SGCZ: variants seen among roughly 807,000 people sequenced by gnomAD.
SGCZ encodes sarcoglycan zeta, also known as zeta-sarcoglycan.
Under a neutral mutation model 41.3 loss-of-function variants are expected in SGCZ, and 40 were observed. The observed-to-expected ratio is 0.97, with a 90% CI of 0.75 to 1.26. The LOEUF is 1.26. SGCZ is among the 50% of genes most tolerant of loss of function. The pLI is 0.00. For synonymous variants in SGCZ, 206 were observed against 137.5 expected (o/e 1.50, Z -3.49); for missense variants, 552 against 369.8 (o/e 1.49, Z -4.04).
At chr8:14,444,261 T>C (rs1800362179) in intron 2 of SGCZ, among the ~76,000 whole-genome samples, 1 of 152,284 alleles carries the variant, frequency 6.6e-6, no homozygotes, top group African/African-American at 2.4e-5. Flanking sequence ...TGGCGATTCC[T>C]CAGGGATCTA....
chr8:14,744,362 A>T (rs926629881), intron 1 of SGCZ, among the ~76,000 whole-genome samples: 1 of 152,120 alleles, frequency 6.6e-6, no homozygotes, highest in Non-Finnish European at 1.5e-5. Context: ...GCCAGAACAC[A>T]TTCCAAAGCT....
At chr8:14,337,208 C>T (rs927126333) in intron 2 of SGCZ, among the ~76,000 whole-genome samples, 1 of 152,112 alleles carries the variant, frequency 6.6e-6, no homozygotes, top group South Asian at 2.1e-4. Flanking sequence ...AAAAAGTCTG[C>T]AATTGTCCCC....
intron 2 of SGCZ, among the ~76,000 whole-genome samples, chr8:14,471,715 A>C (rs963862121): frequency 8.5e-5 from 13 of 152,134 alleles, no homozygotes; most frequent in African/African-American, 3.1e-4. Context: ...TCAATAAATA[A>C]AAATAATAAT....
chr8:15,045,897 T>C (rs1438349819), intron 1 of SGCZ, among the ~76,000 whole-genome samples: 1 of 152,122 alleles, frequency 6.6e-6, no homozygotes. Context: ...CCACCACTCT[T>C]TAATGAGATA....
chr8:14,105,492 T>C (rs1018053093), intron 6 of SGCZ, among the ~76,000 whole-genome samples: 1 of 151,700 alleles, frequency 6.6e-6, no homozygotes, highest in Non-Finnish European at 1.5e-5. Context: ...CAAACAGTAC[T>C]TACCTCTCTG....
chr8:14,544,288 T>G (rs1392523047), intron 2 of SGCZ, among the ~76,000 whole-genome samples: 1 of 152,160 alleles, frequency 6.6e-6, no homozygotes, highest in Non-Finnish European at 1.5e-5. Context: ...AGAACCACTG[T>G]GATAACTGTG....
At chr8:14,797,386 G>T (rs1458229991) in intron 1 of SGCZ, among the ~76,000 whole-genome samples, 1 of 152,138 alleles carries the variant, frequency 6.6e-6, no homozygotes, top group African/African-American at 2.4e-5. Context: ...GAGCAAAGAG[G>T]ACACTTGTTC....
chr8:14,976,312 C>T (rs1563405012), intron 1 of SGCZ, among the ~76,000 whole-genome samples: 2 of 151,996 alleles, frequency 1.3e-5, no homozygotes, highest in South Asian at 2.1e-4. Flanking sequence ...TGTCAGCCAC[C>T]GCGCCTGTCC....
At chr8:14,386,804 C>T (rs185162125) in intron 2 of SGCZ, among the ~76,000 whole-genome samples, 43 of 152,184 alleles carry the variant, frequency 2.8e-4, no homozygotes, top group Admixed American at 1.6e-3. Flanking sequence ...CAGAATTAGA[C>T]AAGAAAAATT....
intron 1 of SGCZ, among the ~76,000 whole-genome samples, chr8:15,190,834 G>T (rs1048140592): frequency 4.6e-5 from 7 of 151,932 alleles, no homozygotes; most frequent in African/African-American, 1.7e-4. Flanking sequence ...TCCAAAACTG[G>T]TTTGTAGCAG....
At chr8:15,018,132 A>C (rs1440287519) in intron 1 of SGCZ, among the ~76,000 whole-genome samples, 1 of 152,126 alleles carries the variant, frequency 6.6e-6, no homozygotes, top group Non-Finnish European at 1.5e-5. Context: ...TACATATTCT[A>C]CCCTTCCACA....
At chr8:14,791,086 C>G (rs1004575626) in intron 1 of SGCZ, among the ~76,000 whole-genome samples, 6 of 151,390 alleles carry the variant, frequency 4.0e-5, no homozygotes, top group Admixed American at 3.3e-4. Context: ...ACAATATGAT[C>G]ATTATTGCTA....
chr8:15,022,637 T>C (rs1456033867), intron 1 of SGCZ, among the ~76,000 whole-genome samples: 1 of 152,204 alleles, frequency 6.6e-6, no homozygotes, highest in Non-Finnish European at 1.5e-5. Flanking sequence ...CCATCGTGCC[T>C]GGCCTAAATG....
At chr8:14,386,500 C>G (rs1804584078) in intron 2 of SGCZ, among the ~76,000 whole-genome samples, 1 of 152,080 alleles carries the variant, frequency 6.6e-6, no homozygotes, top group Non-Finnish European at 1.5e-5. Context: ...TATACTTGCT[C>G]CAGCAGTTCA....
In SGCZ at chr8:14,442,994, CA is replaced by C. The variant is rs576987271; in HGVS notation, c.234+111737del. Among the ~76,000 whole-genome samples, 1,146 of 152,202 alleles carry C rather than the reference CA, an allele frequency of 7.5e-3. 23 individuals are homozygous for C. Among genetic ancestry groups the C allele is most frequent in the African/African-American group, 0.026 (1,098 of 41,530 alleles). Reference sequence around the variant, plus strand: ...ATACAAAATCAATGTACAAAAATCACAAGCATTCTTATAAACCAATAACAGC... The same window carrying C: ...ATACAAAATCAATGTACAAAAATCACAGCATTCTTATAAACCAATAACAGC... On this transcript the variant is annotated intron_variant, in intron 2 of 7. Transcript: ENST00000382080.
intron 1 of SGCZ, among the ~76,000 whole-genome samples, chr8:15,140,398 G>A (rs1341758831): frequency 1.3e-5 from 2 of 152,036 alleles, no homozygotes; most frequent in Non-Finnish European, 2.9e-5. Context: ...CCCTTCTTGG[G>A]CTTGAATTCT....
intron 1 of SGCZ, among the ~76,000 whole-genome samples, chr8:15,008,882 C>A (rs561441462): frequency 1.0e-3 from 157 of 151,878 alleles, no homozygotes; most frequent in Non-Finnish European, 1.7e-3. Context: ...CCCTGACAAT[C>A]ACATTTTTTT....
intron 1 of SGCZ, among the ~76,000 whole-genome samples, chr8:15,013,509 G>T (rs1484433822): frequency 6.6e-6 from 1 of 152,012 alleles, no homozygotes. Context: ...TTTTCCTAAT[G>T]TTCTCCTCCC....
chr8:14,410,845 CTCT>C lies in SGCZ; in HGVS notation c.235-86644_235-86642del, dbSNP rs1457984780. 5.9e-5 allele frequency among the ~76,000 whole-genome samples: 9 copies of C among 152,110 alleles called. No individual in the cohort carries two copies. In the East Asian group the frequency reaches 1.7e-3, roughly 29 times the overall value. ...TGTAATTAAGCTTTCATTTCAACCA[CTCT>C]TCTTTTCAAATGGAACACTGCTATC... On this transcript the variant is annotated intron_variant, in intron 2 of 7. Transcript: ENST00000382080.
Sources: gnomAD v4.1 joint callset for allele counts (sites outside exome capture counted in the v4.1 genomes callset) on GRCh38, gnomAD v4.1.1 for gene constraint, MANE v1.5 for transcripts, NCBI Gene and HGNC (gene_info 2026-07-23, HGNC 2026-07-21) for gene names.